The following DIP2C variants were observed in gnomAD, a reference collection of about 807,000 sequenced individuals.
The protein encoded by DIP2C is disco-interacting protein 2 homolog C.
Under a neutral mutation model 192.4 loss-of-function variants are expected in DIP2C, and 33 were observed. That is an observed-to-expected ratio of 0.17 (90% CI 0.13 to 0.23). DIP2C has a LOEUF of 0.23. DIP2C is among the 10% of genes least tolerant of loss of function. DIP2C has a pLI of 1.00. For synonymous variants in DIP2C, 979 were observed against 864.1 expected, an observed-to-expected ratio of 1.13 and a Z score of -2.33; for missense variants, 1,537 against 2,110.1, an observed-to-expected ratio of 0.73 and a Z score of 5.32.
At chr10:278,701 C>A (rs1409360137) in intron 36 of DIP2C, among the ~76,000 whole-genome samples, 1 of 152,202 alleles carries the variant, frequency 6.6e-6, no homozygotes, top group African/African-American at 2.4e-5. Flanking sequence ...TATCTGGGAT[C>A]GAGTCATCTT....
At chr10:608,835 T>C (rs1361585598) in intron 1 of DIP2C, among the ~76,000 whole-genome samples, 2 of 150,096 alleles carry the variant, frequency 1.3e-5, no homozygotes, top group East Asian at 2.0e-4. Context: ...TCTTAGAGGA[T>C]GAAGGATTTT....
chr10:594,831 G>A (rs184514225), intron 1 of DIP2C, among the ~76,000 whole-genome samples: 3 of 152,278 alleles, frequency 2.0e-5, no homozygotes, highest in Admixed American at 6.5e-5. Flanking sequence ...TCGAATTTAC[G>A]ACCTGCTGCT....
intron 1 of DIP2C, among the ~76,000 whole-genome samples, chr10:672,154 GCCACAGACGCATGGACGGAGGAAACA>G (rs1588741198): frequency 6.6e-6 from 1 of 150,946 alleles, no homozygotes; most frequent in Admixed American, 6.6e-5. Context: ...GAGGAAACAG[GCCACAGACGCATGGACGGAGGAAACA>G]CCACAGACAC....
At chr10:688,352 G>A (rs1018160090) in intron 1 of DIP2C, among the ~76,000 whole-genome samples, 1 of 152,198 alleles carries the variant, frequency 6.6e-6, no homozygotes, top group African/African-American at 2.4e-5. Flanking sequence ...TGGAAAGGCA[G>A]TTGGCTGCAC....
intron 1 of DIP2C, among the ~76,000 whole-genome samples, chr10:534,504 T>A (rs1211803277): frequency 2.6e-5 from 4 of 152,174 alleles, no homozygotes; most frequent in Non-Finnish European, 5.9e-5. Context: ...TAAAAAAAGA[T>A]ACAACATCGG....
chr10:357,502 T>C (rs1458368143), intron 23 of DIP2C, among the ~76,000 whole-genome samples: 1 of 152,236 alleles, frequency 6.6e-6, no homozygotes, highest in Non-Finnish European at 1.5e-5. Flanking sequence ...TGGACACCCC[T>C]CACCGATTTC....
intron 1 of DIP2C, among the ~76,000 whole-genome samples, chr10:659,221 A>G (rs1856601959): frequency 6.6e-6 from 1 of 151,568 alleles, no homozygotes; most frequent in Admixed American, 6.6e-5. Flanking sequence ...ATACTTGCAC[A>G]TGTGTGCGAT....
At chr10:619,826 G>C (rs925666592) in intron 1 of DIP2C, among the ~76,000 whole-genome samples, 5 of 152,128 alleles carry the variant, frequency 3.3e-5, no homozygotes, top group Non-Finnish European at 7.4e-5. Context: ...AAAAATGGCA[G>C]CTCCCGTGTT....
intron 1 of DIP2C, among the ~76,000 whole-genome samples, chr10:561,236 C>T (rs1849198918): frequency 6.6e-6 from 1 of 151,286 alleles, no homozygotes; most frequent in African/African-American, 2.5e-5. Context: ...AAATACCTTA[C>T]AGAGTTTGAT....
At chr10:368,283 G>A (rs147542449) in intron 18 of DIP2C, among the ~76,000 whole-genome samples, 4 of 152,354 alleles carry the variant, frequency 2.6e-5, no homozygotes, top group African/African-American at 4.8e-5. Flanking sequence ...GGAAGCCCGC[G>A]GTTGTTCTCA....
At chr10:279,766 G>A (rs1287675761) in intron 36 of DIP2C, among the ~76,000 whole-genome samples, 1 of 152,216 alleles carries the variant, frequency 6.6e-6, no homozygotes, top group Non-Finnish European at 1.5e-5. Context: ...GTGAGCCCCT[G>A]ACCCGGTGAG....
chr10:398,671 A>G (rs1811336552), intron 10 of DIP2C, among the ~76,000 whole-genome samples: 1 of 152,348 alleles, frequency 6.6e-6, no homozygotes, highest in South Asian at 2.1e-4. Context: ...TGGATTAAAC[A>G]ATAATTACAA....
chr10:493,301 G>A (rs995187565), intron 1 of DIP2C, among the ~76,000 whole-genome samples: 2 of 152,146 alleles, frequency 1.3e-5, no homozygotes, highest in African/African-American at 2.4e-5. Flanking sequence ...AAAGAAACCC[G>A]ACCTGTAGAA....
chr10:539,228 TTAAA>T (rs1847850579), intron 1 of DIP2C, among the ~76,000 whole-genome samples: 1 of 152,262 alleles, frequency 6.6e-6, no homozygotes, highest in South Asian at 2.1e-4. Context: ...TATTCGATTC[TTAAA>T]TATTTATTTT....
intron 1 of DIP2C, among the ~76,000 whole-genome samples, chr10:597,679 A>C (rs923379991): frequency 6.6e-6 from 1 of 152,252 alleles, no homozygotes; most frequent in African/African-American, 2.4e-5. Flanking sequence ...AGAAATCATA[A>C]AAGTAGGCCT....
chr10:355,751 G>A (rs1176719288), intron 24 of DIP2C, among the ~76,000 whole-genome samples: 3 of 152,276 alleles, frequency 2.0e-5, no homozygotes, highest in African/African-American at 7.2e-5. Context: ...TCATTCCTGA[G>A]TCTGCAATAA....
At chr10:318,121 G>C (rs1956855536) in intron 31 of DIP2C, among the ~76,000 whole-genome samples, 1 of 152,166 alleles carries the variant, frequency 6.6e-6, no homozygotes, top group Non-Finnish European at 1.5e-5. Flanking sequence ...GGCAGGACGA[G>C]AACACAGTGA....
chr10:531,303 G>A (rs978403899), intron 1 of DIP2C, among the ~76,000 whole-genome samples: 29 of 152,156 alleles, frequency 1.9e-4, no homozygotes, highest in Admixed American at 1.6e-3. Context: ...CCACGAACCT[G>A]ATGAACACAC....
At chr10:314,243 A>C (rs1956679961) in intron 31 of DIP2C, among the ~76,000 whole-genome samples, 2 of 152,220 alleles carry the variant, frequency 1.3e-5, no homozygotes, top group African/African-American at 4.8e-5. Flanking sequence ...TGATCTTTTC[A>C]AAACCAGTAG....
Sources: allele counts gnomAD v4.1 joint callset (sites outside exome capture counted in the v4.1 genomes callset), GRCh38; gene constraint gnomAD v4.1.1; transcripts MANE v1.5; gene names NCBI Gene and HGNC (gene_info 2026-07-23, HGNC 2026-07-21).